The following FAT3 variants were observed in gnomAD, a reference collection of about 807,000 sequenced individuals.
FAT3 encodes FAT atypical cadherin 3.
A neutral mutation model predicts 310.2 loss-of-function variants in FAT3; 95 were observed. That is an observed-to-expected ratio of 0.31 (90% CI 0.26 to 0.36). FAT3 has a LOEUF of 0.36. Among genes scored for constraint, FAT3 ranks in the 10% least tolerant of loss-of-function variants. The pLI is 1.00. For missense variants in FAT3, 5,408 were observed against 5,715.6 expected (o/e 0.95, Z 1.74); for synonymous variants, 2,314 against 2,192.9 (o/e 1.06, Z -1.54).
chr11:92,746,195 G>A (rs1474579736), intron 4 of FAT3, among the ~76,000 whole-genome samples: 8 of 152,318 alleles, frequency 5.3e-5, no homozygotes, highest in Non-Finnish European at 2.9e-5. Context: ...TAATAAAGGC[G>A]TAACTGAAGC....
chr11:92,524,865 C>G lies in FAT3; in HGVS notation c.3524C>G (p.Pro1175Arg). 6.2e-7 allele frequency: 1 copy of G among 1,613,882 alleles called. No individual in the cohort carries two copies. Among genetic ancestry groups the G allele is most frequent in the Non-Finnish European group, 8.5e-7 (1 of 1,179,834 alleles). Residue 1175 changes from proline to arginine, a missense_variant, in exon 3 of 28, where the codon CCT becomes CGT. Around this residue, in one of 5 missense-constraint regions of FAT3, gnomAD observed 4,588 missense variants for 4,809.8 expected, o/e 0.95. Transcript: ENST00000525166. Reference sequence around the variant, plus strand: ...GTCATTCAGATCCAGGCTGAAGATCCTGACTCCAGTTCCAATGAAAAACTG... The same window carrying G: ...GTCATTCAGATCCAGGCTGAAGATCGTGACTCCAGTTCCAATGAAAAACTG... ...VSVIQIQAED[P>R]DSSSNEKLTY...
intron 2 of FAT3, among the ~76,000 whole-genome samples, chr11:92,423,471 A>G (rs1358667212): frequency 6.6e-6 from 1 of 152,194 alleles, no homozygotes; most frequent in Non-Finnish European, 1.5e-5. Flanking sequence ...CTCTGCGTGT[A>G]AGGAGATCAT....
At position 92,236,207 on chromosome 11, in the gene FAT3, T is replaced by C. The variant is rs543294808; in HGVS notation, c.-18+11033T>C. ...TATATTCTGAGGCCCAGATGCCCAC[T>C]GGGGTATGGGTCACTCCATAGTGAC... On this transcript the variant is annotated intron_variant, in intron 1 of 27. Coordinates refer to ENST00000525166, the MANE Select transcript of FAT3 (RefSeq NM_001367949.2). Among the ~76,000 whole-genome samples, 6 of 152,294 alleles carry C rather than the reference T, an allele frequency of 3.9e-5. No individual in the cohort carries two copies. In the South Asian group the frequency reaches 6.2e-4, roughly 16 times the overall value.
intron 1 of FAT3, among the ~76,000 whole-genome samples, chr11:92,267,201 AAAATGGGGGC>A (rs1187203737): frequency 6.6e-6 from 1 of 152,140 alleles, no homozygotes; most frequent in East Asian, 1.9e-4. Context: ...AAGACAGAAA[AAAATGGGGGC>A]AAAGACAAGT....
At chr11:92,567,166 A>G (rs1955489216) in intron 3 of FAT3, among the ~76,000 whole-genome samples, 3 of 144,978 alleles carry the variant, frequency 2.1e-5, no homozygotes, top group African/African-American at 7.7e-5. Context: ...TCCAGAATCT[A>G]CAATGAACTC....
intron 1 of FAT3, among the ~76,000 whole-genome samples, chr11:92,351,106 T>C (rs112280444): frequency 0.017 from 2,619 of 152,280 alleles, 88 homozygotes; most frequent in African/African-American, 0.06. Flanking sequence ...ATGAAAGTAA[T>C]TGGAAGTATC....
Position 92,797,800 on chromosome 11 carries a change from A to G in FAT3, c.4823-36A>G, listed in dbSNP as rs754019743. ...AATCAAAAAGATTTCAGTGACCCAC[A>G]TGTAACTCATTTCACCATTGATTTC... is the stretch of plus-strand genomic sequence containing the variant. On this transcript the variant is annotated intron_variant, in intron 9 of 27. Transcript: ENST00000525166. The G allele has an allele frequency of 6.4e-6, 10 of 1,569,536 alleles. No homozygotes were observed. The Admixed American group carries it at 1.4e-4, about 22-fold the overall frequency.
rs1444857904 is a variant in FAT3, at chr11:92,891,303, TCAG to T, written c.*191_*193del. ...TTCCAGTTGGGTGAAAATGAAAGGC[TCAG>T]AAATTGTTTTTGAGAGGTGACTGGT... On this transcript the variant is annotated 3_prime_UTR_variant, in exon 28 of 28. Coordinates refer to ENST00000525166, the MANE Select transcript of FAT3 (RefSeq NM_001367949.2). The T allele has an allele frequency of 3.7e-6, 3 of 815,002 alleles. No individual in the cohort carries two copies. The highest frequency in any genetic ancestry group is 5.6e-6 in the Non-Finnish European group (3 of 536,646). The allele number at this position is 815,002 out of a possible 1,614,324, so 50.5% of individuals were successfully genotyped here.
At chr11:92,580,907 T>A (rs1938758313) in intron 3 of FAT3, among the ~76,000 whole-genome samples, 2 of 152,022 alleles carry the variant, frequency 1.3e-5, no homozygotes, top group South Asian at 4.1e-4. Flanking sequence ...AGAGTTACAA[T>A]TTAGCAGCCC....
chr11:92,309,386 A>G (rs1345661579), intron 1 of FAT3, among the ~76,000 whole-genome samples: 2 of 1,162 alleles, frequency 1.7e-3, no homozygotes. Context: ...ACACGCATGC[A>G]CACACACACA....
intron 2 of FAT3, among the ~76,000 whole-genome samples, chr11:92,376,493 A>G (rs1419592562): frequency 6.6e-6 from 1 of 152,198 alleles, no homozygotes; most frequent in Non-Finnish European, 1.5e-5. Flanking sequence ...CTCACTTAAC[A>G]TGCAGAGCTT....
intron 1 of FAT3, among the ~76,000 whole-genome samples, chr11:92,262,608 T>G (rs186616960): frequency 4.6e-5 from 7 of 152,250 alleles, no homozygotes; most frequent in Admixed American, 4.6e-4. Context: ...GCTAGACCTC[T>G]CTGAAACAGG....
At chr11:92,597,013 C>T (rs1398785057) in intron 3 of FAT3, among the ~76,000 whole-genome samples, 2 of 152,178 alleles carry the variant, frequency 1.3e-5, no homozygotes, top group East Asian at 3.9e-4. Context: ...TATCCTTTCT[C>T]CATATCCCTG....
chr11:92,804,210 G>C (rs985153050), intron 10 of FAT3, among the ~76,000 whole-genome samples: 2 of 151,988 alleles, frequency 1.3e-5, no homozygotes, highest in Non-Finnish European at 2.9e-5. Context: ...CTGCTGCCTA[G>C]AACAATGCCT....
intron 1 of FAT3, among the ~76,000 whole-genome samples, chr11:92,350,506 T>C (rs540062167): frequency 6.6e-6 from 1 of 152,250 alleles, no homozygotes; most frequent in South Asian, 2.1e-4. Context: ...AATTATGTCA[T>C]ATATGCTTCT....
In FAT3 at chr11:92,800,476, G is replaced by T. The variant is rs1034319756; in HGVS notation, c.7463G>T (p.Gly2488Val). ...GCACAGGTGCATATTAGGGTACTTG[G>T]GGCTAACTTGTACAGCCCTGCCTTT... ...STAQVHIRVL[G>V]ANLYSPAFSQ... Residue 2488 changes from glycine (G) to valine (V), a missense_variant, in exon 10 of 28, where the codon GGG becomes GTG. Transcript: ENST00000525166. 1 of 1,613,920 alleles carries T rather than the reference G, an allele frequency of 6.2e-7. No individual in the cohort carries two copies. The highest frequency in any genetic ancestry group is 8.5e-7 in the Non-Finnish European group (1 of 1,179,862).
intron 3 of FAT3, among the ~76,000 whole-genome samples, chr11:92,586,694 T>C (rs1939173555): frequency 6.6e-6 from 1 of 152,026 alleles, no homozygotes; most frequent in African/African-American, 2.4e-5. Context: ...ATTACTAAAC[T>C]CTACTAATCA....
At chr11:92,304,314 C>T (rs181622814) in intron 1 of FAT3, among the ~76,000 whole-genome samples, 5 of 152,130 alleles carry the variant, frequency 3.3e-5, no homozygotes, top group Admixed American at 2.0e-4. Context: ...TTAGTCTTCC[C>T]CTTGCTCTTT....
chr11:92,500,878 C>CT (rs1405358374), intron 2 of FAT3, among the ~76,000 whole-genome samples: 1 of 152,006 alleles, frequency 6.6e-6, no homozygotes, highest in African/African-American at 2.4e-5. Context: ...TGAGGGAAGA[C>CT]TCTCCTAAGT....
Sources: gnomAD v4.1 joint callset for allele counts (sites outside exome capture counted in the v4.1 genomes callset) on GRCh38, gnomAD v4.1.1 for gene constraint, gnomAD v4.1.1 regional missense constraint, MANE v1.5 for transcripts, NCBI Gene and HGNC (gene_info 2026-07-23, HGNC 2026-07-21) for gene names.